Variants in MTERF4 observed in about 807,000 individuals in gnomAD.
MTERF4 encodes mitochondrial transcription termination factor 4.
Under a neutral mutation model 22.5 loss-of-function variants are expected in MTERF4, and 17 were observed. The ratio of observed to expected loss-of-function variants is 0.75; its 90% CI spans 0.52 to 1.13. The LOEUF (loss-of-function observed/expected upper bound fraction) is 1.13, where lower values mean the gene tolerates loss of function less well. Ranked by LOEUF, MTERF4 falls within the 50% of genes most tolerant of loss-of-function variation. The probability of loss-of-function intolerance (pLI) is 0.00; values close to 1 mark genes in which losing one functional copy is unlikely to be tolerated. For synonymous variants in MTERF4, 165 were observed against 175.3 expected (o/e 0.94, Z 0.47); for missense variants, 420 against 466.8 (o/e 0.90, Z 0.92).
At chr2:241,082,441 C>T (rs1184067765), downstream of MTERF4, 35 of 1,090,666 alleles carry the variant, frequency 3.2e-5, no homozygotes, top group Non-Finnish European at 8.3e-6. Flanking sequence ...CTCAAAGCTA[C>T]CCAGCTAACC....
the MTERF4 span, chr2:241,065,100 C>T: frequency 7.3e-6 from 6 of 819,484 alleles, no homozygotes; most frequent in East Asian, 5.4e-5. Flanking sequence ...ATAAAATCCC[C>T]CGGTGGGCTT....
intron 4 of MTERF4, chr2:241,081,894 C>A: frequency 1.2e-6 from 1 of 866,600 alleles, no homozygotes; most frequent in Non-Finnish European, 1.9e-6. Context: ...AGCCTCCAAA[C>A]GATGAGGTGC....
Position 241,096,116 on chromosome 2 carries a change from T to A in MTERF4, c.1028A>T (p.Glu343Val), listed in dbSNP as rs529519080. 1.7e-4 allele frequency: 267 copies of A among 1,611,084 alleles called. No homozygotes were observed. The highest frequency in any genetic ancestry group is 2.2e-4 in the Non-Finnish European group (260 of 1,179,976). The change falls in exon 4 of 4, where the codon GAG (glutamate) becomes GTG (valine). Residue 343 changes from glutamate to valine, a missense_variant. Glu to Val is a moderately radical substitution (Grantham distance 121). Coordinates refer to ENST00000391980, the MANE Select transcript of MTERF4 (RefSeq NM_182501.4). The surrounding 1 kb of genome is among the most constrained non-coding windows in gnomAD (Gnocchi z 5.1). ...DDKRASLDED[E>V]DDDDEEDNDE... ...ATTGTCCTCCTCATCATCGTCATCC[T>A]CATCCTCATCCAGACTTGCCCTTTT... is the stretch of plus-strand genomic sequence containing the variant.
At chr2:241,078,448 G>GT (rs2063153987) in intron 4 of MTERF4, among the ~76,000 whole-genome samples, 1 of 151,418 alleles carries the variant, frequency 6.6e-6, no homozygotes, top group South Asian at 2.1e-4. Flanking sequence ...CCACTCAATG[G>GT]AACACGATTC....
rs759690795 is a variant in MTERF4 at position 241,099,721 on chromosome 2, C to T, written c.195G>A (p.Gln65=). 6.2e-6 allele frequency: 10 copies of T among 1,614,170 alleles called. No homozygotes were observed. In the South Asian group the frequency reaches 8.8e-5, roughly 14 times the overall value. Residue 65 remains glutamine, a synonymous_variant, in exon 2 of 4, where the codon CAG becomes CAA. Transcript: ENST00000391980. ...LSCVRSNNYV[Q]EPECRRNLVQ... The stretch of plus-strand genomic sequence containing the variant: ...CAAGATTCCTCCTGCACTCTGGTTC[C>T]TGCACATAGTTATTGGATCTAACAC...
chr2:241,101,108 CTTTA>C (rs1415483937), intron 1 of MTERF4: 7 of 457,374 alleles, frequency 1.5e-5, no homozygotes, highest in Admixed American at 1.2e-4. Context: ...TTGTTGTGCA[CTTTA>C]TTTCTGTTAT....
chr2:241,097,913 CAG>C (rs2064529356), intron 2 of MTERF4, among the ~76,000 whole-genome samples: 1 of 152,162 alleles, frequency 6.6e-6, no homozygotes, highest in South Asian at 2.1e-4. Context: ...GTCATCATAA[CAG>C]TAATAACAAT....
Position 241,095,860 on chromosome 2 carries a change from T to C in MTERF4, c.*138A>G, listed in dbSNP as rs180926341. On this transcript the variant is annotated 3_prime_UTR_variant, in exon 4 of 4. Coordinates refer to ENST00000391980, the MANE Select transcript of MTERF4 (RefSeq NM_182501.4). ...ATCTGTCTGCCTCTCAGGTGACTTA[T>C]AATTTTTTTCATCAAGAGACCAGTT... 6 of 1,472,256 alleles carry C rather than the reference T, an allele frequency of 4.1e-6. No homozygotes were observed. Among genetic ancestry groups the C allele is most frequent in the Non-Finnish European group, 5.4e-6 (6 of 1,103,866 alleles). The allele number at this position is 1,472,256 out of a possible 1,614,324, so 91.2% of individuals were successfully genotyped here.
rs1260107356 is a variant in MTERF4 at position 241,073,230 on chromosome 2, AG to A, written n.2931del. ...CCCAGGACCATCCCGGGTGCAAAGC[AG>A]CTGCGCCGTGTGGTCACCGCCTGGC... On this transcript the variant is annotated non_coding_transcript_exon_variant, in exon 5 of 5. Transcript: ENST00000464344. This position sits in a 1 kb window ranked among gnomAD's most constrained non-coding sequence, Gnocchi z 6.6. The A allele has an allele frequency of 6.7e-7, 1 of 1,486,540 alleles. No individual in the cohort carries two copies. Among genetic ancestry groups the A allele is most frequent in the Admixed American group, 2.0e-5 (1 of 50,740 alleles). The allele number at this position is 1,486,540 out of a possible 1,614,324, so 92.1% of individuals were successfully genotyped here.
intron 1 of MTERF4, chr2:241,102,046 T>C (rs2064734151): frequency 7.8e-6 from 4 of 509,914 alleles, no homozygotes; most frequent in African/African-American, 1.1e-4. Flanking sequence ...AGCGAGACTT[T>C]GTCTCAAAAA....
the MTERF4 span, among the ~76,000 whole-genome samples, chr2:241,050,868 C>T: frequency 1.3e-5 from 2 of 152,212 alleles, no homozygotes; most frequent in African/African-American, 4.8e-5. Flanking sequence ...CTCACTAGAC[C>T]AGACTGCTGG....
rs1018874024 is a variant in MTERF4 at position 241,073,429 on chromosome 2, G to A, written n.2733C>T. 5.2e-6 allele frequency: 7 copies of A among 1,354,046 alleles called. No individual in the cohort carries two copies. Among genetic ancestry groups the A allele is most frequent in the African/African-American group, 1.4e-5 (1 of 69,004 alleles). 83.9% of individuals were successfully genotyped at this position (1,354,046 alleles called of 1,614,324 possible). On this transcript the variant is annotated non_coding_transcript_exon_variant, in exon 5 of 5. Coordinates refer to the MTERF4 transcript ENST00000464344. This position sits in a 1 kb window ranked among gnomAD's most constrained non-coding sequence, Gnocchi z 6.6. ...ACTGCTCTCAGGGGCCTTAGAGGCT[G>A]CAGGCAGGAGGGACCACCCACGGTG...
rs978212861 is a variant in MTERF4, at chr2:241,096,925, C to T, written c.705+318G>A. The T allele has an allele frequency of 1.7e-6, 1 of 590,498 alleles. No homozygotes were observed. Among genetic ancestry groups the T allele is most frequent in the Non-Finnish European group, 3.0e-6 (1 of 335,364 alleles). 36.6% of individuals were successfully genotyped at this position (590,498 alleles called of 1,614,324 possible). On this transcript the variant is annotated intron_variant, in intron 3 of 3. Coordinates refer to ENST00000391980, the MANE Select transcript of MTERF4 (RefSeq NM_182501.4). The surrounding 1 kb of genome is among the most constrained non-coding windows in gnomAD (Gnocchi z 5.1). ...AGCTATTTCAGAGTCCCCACTTAGA[C>T]TCTAAGAATAGGACTGGATCATTCA...
exon 5 of MTERF4, chr2:241,074,069 A>G (rs1221864112): frequency 6.6e-6 from 1 of 152,272 alleles, no homozygotes; most frequent in African/African-American, 2.4e-5. Context: ...GCACCCGGTG[A>G]CCTGTTCTCC....
Position 241,096,560 on chromosome 2 carries a change from C to T in MTERF4, c.706-122G>A, listed in dbSNP as rs902981724. 1 of 1,031,126 alleles carries T rather than the reference C, an allele frequency of 9.7e-7. No individual in the cohort carries two copies. The highest frequency in any genetic ancestry group is 1.9e-5 in the Admixed American group (1 of 52,998). The allele number at this position is 1,031,126 out of a possible 1,614,324, so 63.9% of individuals were successfully genotyped here. A position where few individuals can be genotyped will look rare whatever the true frequency, so the allele number is the denominator to read the frequency against. On this transcript the variant is annotated intron_variant, in intron 3 of 3. Transcript: ENST00000391980. This position sits in a 1 kb window ranked among gnomAD's most constrained non-coding sequence, Gnocchi z 5.1. ...AAAAGAATTGCCTAATTGACAACAGCGAATACCCAGTCTAGGATACTGACA... is the reference window on the plus strand; with the variant it reads ...AAAAGAATTGCCTAATTGACAACAGTGAATACCCAGTCTAGGATACTGACA...
rs748259921 is a variant in MTERF4, at chr2:241,073,276, C to T, written n.2886G>A. On this transcript the variant is annotated non_coding_transcript_exon_variant, in exon 5 of 5. Coordinates refer to the MTERF4 transcript ENST00000464344. This position sits in a 1 kb window ranked among gnomAD's most constrained non-coding sequence, Gnocchi z 6.6. ...CCTGGCTTCTCCTAGAACCCACAGC[C>T]TCGGCGCAGCTCGAGAACATGGAGG... 12 of 1,558,254 alleles carry T rather than the reference C, an allele frequency of 7.7e-6. No homozygotes were observed. In the Admixed American group the frequency reaches 2.1e-4, roughly 28 times the overall value.
intron 4 of MTERF4, among the ~76,000 whole-genome samples, chr2:241,076,540 T>C (rs939293027): frequency 3.9e-5 from 6 of 152,224 alleles, no homozygotes; most frequent in African/African-American, 1.4e-4. Flanking sequence ...TCTATATATA[T>C]ATAAAATCAT....
chr2:241,053,395 A>G, the MTERF4 span: 2 of 1,454,146 alleles, frequency 1.4e-6, no homozygotes, highest in Admixed American at 4.2e-5. Context: ...CATGTGGAGG[A>G]GCACAGGGGC....
At position 241,096,507 on chromosome 2, in the gene MTERF4, A is replaced by G. The variant is rs924383704; in HGVS notation, c.706-69T>C. ...TGAAACCTATCATTCTATAAACCATAAAAACTTAAGTTGTACAAAAGGATT... is the reference window on the plus strand; with the variant it reads ...TGAAACCTATCATTCTATAAACCATGAAAACTTAAGTTGTACAAAAGGATT... On this transcript the variant is annotated intron_variant, in intron 3 of 3. Transcript: ENST00000391980. This position sits in a 1 kb window ranked among gnomAD's most constrained non-coding sequence, Gnocchi z 5.1. 4 of 1,555,614 alleles carry G rather than the reference A, an allele frequency of 2.6e-6. No homozygotes were observed. The highest frequency in any genetic ancestry group is 1.4e-5 in the African/African-American group (1 of 73,560).
Sources: gnomAD v4.1 joint callset for allele counts (sites outside exome capture counted in the v4.1 genomes callset) on GRCh38, gnomAD v4.1.1 for gene constraint, Gnocchi (gnomAD v3.1) non-coding constraint, MANE v1.5 for transcripts, NCBI Gene and HGNC (gene_info 2026-07-23, HGNC 2026-07-21) for gene names.